The following HOXC4 variants were observed in gnomAD, a reference collection of about 807,000 sequenced individuals.
HOXC4 encodes homeobox C4.
A neutral mutation model predicts 25.5 loss-of-function variants in HOXC4; 15 were observed. The observed-to-expected ratio is 0.59, with a 90% CI of 0.39 to 0.91. The LOEUF is 0.91. Among genes scored for constraint, HOXC4 ranks in the 40% least tolerant of loss-of-function variants. The pLI is 0.00. For missense variants in HOXC4, 342 were observed against 352.4 expected (o/e 0.97, Z 0.24); for synonymous variants, 165 against 148.0 (o/e 1.11, Z -0.83).
intron 1 of HOXC4, among the ~76,000 whole-genome samples, chr12:54,048,728 T>G (rs1028058342): frequency 5.3e-5 from 8 of 152,162 alleles, no homozygotes; most frequent in African/African-American, 1.9e-4. Flanking sequence ...CAAGAACAGA[T>G]TAAGGCACTT....
chr12:54,031,356 G>A (rs2136442871), intron 1 of HOXC4, among the ~76,000 whole-genome samples: 1 of 152,362 alleles, frequency 6.6e-6, no homozygotes, highest in East Asian at 1.9e-4. Flanking sequence ...CTGGAGCCCT[G>A]TCGGCAGGGA....
upstream of HOXC4, among the ~76,000 whole-genome samples, chr12:54,052,567 G>A (rs1399701333): frequency 9.3e-6 from 1 of 107,574 alleles, no homozygotes; most frequent in Non-Finnish European, 1.9e-5. Flanking sequence ...ACCACCCCTA[G>A]CTGGGGGGGG....
At chr12:54,042,487 G>A (rs1222909234) in intron 1 of HOXC4, among the ~76,000 whole-genome samples, 2 of 152,138 alleles carry the variant, frequency 1.3e-5, no homozygotes, top group Non-Finnish European at 2.9e-5. Context: ...TGAGTGCCTC[G>A]ACCCCTCCTT....
intron 1 of HOXC4, chr12:54,030,635 C>T (rs796821332): frequency 1.7e-4 from 26 of 152,176 alleles, no homozygotes; most frequent in Middle Eastern, 3.4e-3. Context: ...TGTTCCTATC[C>T]AATTTCAAAA....
intron 1 of HOXC4, among the ~76,000 whole-genome samples, chr12:54,040,360 A>T (rs1458052879): frequency 2.6e-5 from 4 of 152,168 alleles, no homozygotes; most frequent in Non-Finnish European, 5.9e-5. Flanking sequence ...CGCTCTTCCC[A>T]TCCGGCCCTG....
intron 1 of HOXC4, among the ~76,000 whole-genome samples, chr12:54,026,835 G>T (rs1032546476): frequency 6.6e-6 from 1 of 151,966 alleles, no homozygotes; most frequent in African/African-American, 2.4e-5. Flanking sequence ...GCATAGTCCC[G>T]TTTATGGCTT....
rs1455517402 is a variant in HOXC4 at position 54,028,263 on chromosome 12, A to T, written c.-124+10849A>T. 2.6e-3 allele frequency: 188 copies of T among 73,374 alleles called. 2 individuals are homozygous for T. Among genetic ancestry groups the T allele is most frequent in the African/African-American group, 8.3e-3 (168 of 20,278 alleles). The allele number at this position is 73,374 out of a possible 1,614,324, so 4.5% of individuals were successfully genotyped here. Reference sequence around the variant, plus strand: ...TTCCCTTACATATATATATATATATATATATTTTTTAAAAGAAATCCAAGT... The same window carrying T: ...TTCCCTTACATATATATATATATATTTATATTTTTTAAAAGAAATCCAAGT... On this transcript the variant is annotated intron_variant, in intron 1 of 3. Transcript: ENST00000303406.
At position 54,054,436 on chromosome 12, in the gene HOXC4, T is replaced by A. The variant is rs1167827373; in HGVS notation, c.439+75T>A. 2.0e-5 allele frequency: 14 copies of A among 696,550 alleles called. No individual in the cohort carries two copies. In the East Asian group the frequency reaches 4.7e-4, roughly 23 times the overall value. The allele number at this position is 696,550 out of a possible 1,614,324, so 43.1% of individuals were successfully genotyped here. On this transcript the variant is annotated intron_variant, in intron 1 of 1. Coordinates refer to ENST00000430889, the MANE Select transcript of HOXC4 (RefSeq NM_153633.3). Reference sequence around the variant, plus strand: ...GCTCCCCACCCTCCTCGGCCCCCTCTGGCCCCCGTCCTCCTTTCTCTCCTT... The same window carrying A: ...GCTCCCCACCCTCCTCGGCCCCCTCAGGCCCCCGTCCTCCTTTCTCTCCTT...
Position 54,018,714 on chromosome 12 carries a change from G to C in HOXC4, c.-124+1300G>C, listed in dbSNP as rs538397473. ...GTGTGAATTTCTGTTTATAAACGGCGACGCACACGCAAACGCCTACACACC... is the reference window on the plus strand; with the variant it reads ...GTGTGAATTTCTGTTTATAAACGGCCACGCACACGCAAACGCCTACACACC... On this transcript the variant is annotated intron_variant, in intron 1 of 3. Transcript: ENST00000303406. Among the ~76,000 whole-genome samples, 41 of 152,064 alleles carry C rather than the reference G, an allele frequency of 2.7e-4. 1 individual carries two copies. In the East Asian group the frequency reaches 3.1e-3, roughly 11 times the overall value.
chr12:54,054,195 C>A lies in HOXC4; in HGVS notation c.273C>A (p.Pro91=). 1 of 1,613,320 alleles carries A rather than the reference C, an allele frequency of 6.2e-7. No individual in the cohort carries two copies. Among genetic ancestry groups the A allele is most frequent in the Non-Finnish European group, 8.5e-7 (1 of 1,179,638 alleles). ...CGGCCCAGGCGGGCCACCACCACCC[C>A]GAGAAATCACAGTCGCTCTGCGAGC... ...HGPAQAGHHH[P]EKSQSLCEPA... The change falls in exon 1 of 2, where the codon CCC becomes CCA. Residue 91 remains proline, a synonymous_variant. Transcript: ENST00000430889.
upstream of HOXC4, among the ~76,000 whole-genome samples, chr12:54,051,003 A>AC (rs945621374): frequency 6.6e-6 from 1 of 151,914 alleles, no homozygotes; most frequent in East Asian, 1.9e-4. Context: ...AGTCTCCTTG[A>AC]CCCCCCTGCA....
upstream of HOXC4, among the ~76,000 whole-genome samples, chr12:54,051,058 T>C (rs548555453): frequency 1.4e-4 from 22 of 151,948 alleles, no homozygotes; most frequent in African/African-American, 4.8e-4. Flanking sequence ...AGGCAACATA[T>C]TGGGGAGGAC....
chr12:54,054,024 G>A lies in HOXC4; in HGVS notation c.102G>A (p.Pro34=). 3 of 1,613,474 alleles carry A rather than the reference G, an allele frequency of 1.9e-6. No homozygotes were observed. The highest frequency in any genetic ancestry group is 2.5e-6 in the Non-Finnish European group (3 of 1,179,382). The change falls in exon 1 of 2, where the codon CCG becomes CCA. Residue 34 remains proline, a synonymous_variant. Coordinates refer to ENST00000430889, the MANE Select transcript of HOXC4 (RefSeq NM_153633.3). ...SQNSYIPEHS[P]EYYGRTRESG... Reference sequence around the variant, plus strand: ...ATAGCTACATCCCTGAACACAGTCCGGAATATTACGGCCGGACCAGGGAAT... The same window carrying A: ...ATAGCTACATCCCTGAACACAGTCCAGAATATTACGGCCGGACCAGGGAAT...
intron 1 of HOXC4, chr12:54,030,188 C>A: frequency 2.1e-6 from 1 of 470,376 alleles, no homozygotes; most frequent in Non-Finnish European, 3.8e-6. Context: ...CTTGCTAGCT[C>A]GTTCTCGGCT....
At chr12:54,033,436 G>A (rs1565745423) in intron 1 of HOXC4, 2 of 1,601,894 alleles carry the variant, frequency 1.2e-6, no homozygotes, top group Admixed American at 1.7e-5. Flanking sequence ...AAGGCGGCTC[G>A]CCCGGCGCTG....
At chr12:54,049,465 C>T (rs560882684), upstream of HOXC4, among the ~76,000 whole-genome samples, 1 of 151,700 alleles carries the variant, frequency 6.6e-6, no homozygotes, top group Admixed American at 6.6e-5. Context: ...ATGAGAGGAC[C>T]TTGCCTAAGG....
upstream of HOXC4, among the ~76,000 whole-genome samples, chr12:54,051,749 T>C (rs180921141): frequency 4.7e-4 from 72 of 152,018 alleles, no homozygotes; most frequent in East Asian, 0.012. Context: ...GAGCCTGGGG[T>C]GGGGCTGGGG....
intron 1 of HOXC4, among the ~76,000 whole-genome samples, chr12:54,026,314 C>T (rs4759318): frequency 0.29 from 44,586 of 152,020 alleles, 7,359 homozygotes; most frequent in East Asian, 0.44. Context: ...CTCCAGGGGG[C>T]CTGAAGCCTC....
chr12:54,054,482 G>A, intron 1 of HOXC4, 121 bp downstream of exon 1: 2 of 671,366 alleles, frequency 3.0e-6, no homozygotes, highest in Non-Finnish European at 5.1e-6. Context: ...CTCCAGGAGC[G>A]ACTCTGGGTT....
Sources: gnomAD v4.1 joint callset for allele counts (sites outside exome capture counted in the v4.1 genomes callset) on GRCh38, gnomAD v4.1.1 for gene constraint, MANE v1.5 for transcripts, NCBI Gene and HGNC (gene_info 2026-07-23, HGNC 2026-07-21) for gene names.